C12orf54: variants seen among roughly 807,000 people sequenced by gnomAD.
C12orf54 encodes the protein uncharacterized protein C12orf54.
A neutral mutation model predicts 26.4 loss-of-function variants in C12orf54; 24 were observed. The observed-to-expected ratio is 0.91, with a 90% CI of 0.66 to 1.28. C12orf54 has a LOEUF of 1.28. Ranked by LOEUF, C12orf54 falls within the 50% of genes most tolerant of loss-of-function variation. C12orf54 has a pLI of 0.00. For missense variants in C12orf54, 154 were observed against 150.9 expected (o/e 1.02, Z -0.11); for synonymous variants, 54 against 47.0 (o/e 1.15, Z -0.61).
At chr12:48,490,732 C>T (rs1336550951) in intron 5 of C12orf54, 80 bp from the exon 6 acceptor site, 1 of 1,517,612 alleles carries the variant, frequency 6.6e-7, no homozygotes, top group Non-Finnish European at 9.1e-7. Context: ...CTGCATTTGA[C>T]CAAGTCTATA....
At chr12:48,494,371 C>A (rs185150952) in intron 7 of C12orf54, among the ~76,000 whole-genome samples, 37 of 152,130 alleles carry the variant, frequency 2.4e-4, no homozygotes, top group African/African-American at 7.5e-4. Context: ...GAGATGGATT[C>A]TTATGCTTTA....
At chr12:48,422,749 T>G in the C12orf54 span, among the ~76,000 whole-genome samples, 2 of 152,172 alleles carry the variant, frequency 1.3e-5, no homozygotes, top group African/African-American at 2.4e-5. Context: ...AAAATATCAA[T>G]TTTCTTCAAA....
At chr12:48,453,996 G>C in the C12orf54 span, among the ~76,000 whole-genome samples, 30 of 152,010 alleles carry the variant, frequency 2.0e-4, no homozygotes, top group South Asian at 6.2e-3. Flanking sequence ...GATACCATGA[G>C]GTCAGGGAAC....
At chr12:48,433,056 G>A in the C12orf54 span, among the ~76,000 whole-genome samples, 2 of 152,096 alleles carry the variant, frequency 1.3e-5, no homozygotes, top group African/African-American at 4.8e-5. Flanking sequence ...AAATAACCAA[G>A]TAGTAAATAT....
chr12:48,490,869 G>A (rs202037614), intron 6 of C12orf54, 33 bp downstream of exon 6: 9 of 1,608,368 alleles, frequency 5.6e-6, no homozygotes, highest in Non-Finnish European at 7.7e-6. Context: ...TTTGGAAAAG[G>A]AAACAAGGGA....
the C12orf54 span, among the ~76,000 whole-genome samples, chr12:48,439,598 G>A: frequency 4.6e-5 from 7 of 152,136 alleles, no homozygotes; most frequent in Non-Finnish European, 1.0e-4. Context: ...TCCTTTGTAG[G>A]GACATGGATG....
chr12:48,463,874 AT>A, the C12orf54 span, among the ~76,000 whole-genome samples: 1 of 152,066 alleles, frequency 6.6e-6, no homozygotes, highest in Admixed American at 6.6e-5. Context: ...TCTTTATAAA[AT>A]TCAACCCCCT....
At chr12:48,451,956 A>G in the C12orf54 span, among the ~76,000 whole-genome samples, 24 of 152,346 alleles carry the variant, frequency 1.6e-4, no homozygotes, top group South Asian at 5.0e-3. Context: ...ACTACCATTG[A>G]TATTCTTCAC....
the C12orf54 span, among the ~76,000 whole-genome samples, chr12:48,457,714 G>A: frequency 6.6e-6 from 1 of 152,140 alleles, no homozygotes; most frequent in Non-Finnish European, 1.5e-5. Flanking sequence ...GTGCCCAGAA[G>A]CTGTGAGCCT....
At chr12:48,427,581 A>G in the C12orf54 span, among the ~76,000 whole-genome samples, 2 of 151,576 alleles carry the variant, frequency 1.3e-5, no homozygotes, top group Admixed American at 6.6e-5. Flanking sequence ...GACAAAGAGG[A>G]ATATTATATA....
At chr12:48,422,321 A>T in the C12orf54 span, among the ~76,000 whole-genome samples, 1 of 152,356 alleles carries the variant, frequency 6.6e-6, no homozygotes, top group South Asian at 2.1e-4. Context: ...CTGGATGGAG[A>T]TGCCAAATGC....
chr12:48,466,941 A>G, the C12orf54 span, among the ~76,000 whole-genome samples: 1 of 152,196 alleles, frequency 6.6e-6, no homozygotes, highest in African/African-American at 2.4e-5. Flanking sequence ...ATGTCCATCA[A>G]CAGGTAAATG....
rs768464377 is a variant in C12orf54 at position 48,483,275 on chromosome 12, C to T, written c.-22C>T. The T allele has an allele frequency of 3.7e-6, 6 of 1,612,430 alleles. No individual in the cohort carries two copies. Among genetic ancestry groups the T allele is most frequent in the Non-Finnish European group, 5.1e-6 (6 of 1,178,764 alleles). On this transcript the variant is annotated 5_prime_UTR_variant, in exon 2 of 9. Transcript: ENST00000548364. ...TATCTCCATCTTCAGCTCCAGAGTC[C>T]TTGGTTTCTGTCTGAGAACAAATGG...
chr12:48,483,369 G>C lies in C12orf54; in HGVS notation c.65+8G>C, dbSNP rs750980839. 6.2e-7 allele frequency: 1 copy of C among 1,612,820 alleles called. No homozygotes were observed. Among genetic ancestry groups the C allele is most frequent in the African/African-American group, 1.3e-5 (1 of 74,804 alleles). On this transcript the variant is annotated splice_region_variant and intron_variant, in intron 2 of 8. Transcript: ENST00000548364. ...CTCCAAGCAGCAGAGAAGGTAATGG[G>C]GCTAATGATGACCCTCAAACATCCT...
the C12orf54 span, among the ~76,000 whole-genome samples, chr12:48,423,929 G>C: frequency 6.6e-6 from 1 of 152,036 alleles, no homozygotes; most frequent in Non-Finnish European, 1.5e-5. Flanking sequence ...AAGAGGGAAA[G>C]CACTCAGTGT....
the C12orf54 span, among the ~76,000 whole-genome samples, chr12:48,435,782 C>T: frequency 1.7e-3 from 256 of 152,268 alleles, 1 homozygote; most frequent in African/African-American, 6.0e-3. Flanking sequence ...AAGGAACAAC[C>T]AGTACCAGTG....
At chr12:48,415,225 C>A in the C12orf54 span, among the ~76,000 whole-genome samples, 215 of 149,970 alleles carry the variant, frequency 1.4e-3, no homozygotes, top group African/African-American at 5.0e-3. Flanking sequence ...ACAAACAAAA[C>A]CCAAAACAAA....
upstream of C12orf54, among the ~76,000 whole-genome samples, chr12:48,480,184 T>C (rs909488436): frequency 6.6e-6 from 1 of 152,180 alleles, no homozygotes; most frequent in Non-Finnish European, 1.5e-5. Flanking sequence ...CAGTGTTTTG[T>C]TTGTTGTATT....
At chr12:48,463,640 A>C in the C12orf54 span, among the ~76,000 whole-genome samples, 2 of 152,056 alleles carry the variant, frequency 1.3e-5, no homozygotes, top group Admixed American at 6.6e-5. Context: ...AGAAAACTTC[A>C]GGCCAATATC....
Sources: allele counts gnomAD v4.1 joint callset (sites outside exome capture counted in the v4.1 genomes callset), GRCh38; gene constraint gnomAD v4.1.1; transcripts MANE v1.5; gene names NCBI Gene and HGNC (gene_info 2026-07-23, HGNC 2026-07-21).